CAMKK1: variants seen among roughly 807,000 people sequenced by gnomAD.
CAMKK1 encodes calcium/calmodulin dependent protein kinase kinase 1.
Under a neutral mutation model 63.5 loss-of-function variants are expected in CAMKK1, and 20 were observed. That is an observed-to-expected ratio of 0.32 (90% CI 0.22 to 0.46). The LOEUF (loss-of-function observed/expected upper bound fraction) is 0.46, where lower values mean the gene tolerates loss of function less well. Ranked by LOEUF, CAMKK1 falls within the 20% of genes least tolerant of loss-of-function variation. The pLI is 1.00. For synonymous variants in CAMKK1, 253 were observed against 269.0 expected (o/e 0.94, Z 0.58); for missense variants, 588 against 658.1 (o/e 0.89, Z 1.17).
In CAMKK1 at chr17:3,884,468, A is replaced by C. The variant is rs1354608996; in HGVS notation, c.361-41T>G. ...GAGCACCAGGTGGAGCTGGGTCCGGAGGCAGCACTGCTCCTACCTCAGAGC... is the reference window on the plus strand; with the variant it reads ...GAGCACCAGGTGGAGCTGGGTCCGGCGGCAGCACTGCTCCTACCTCAGAGC... On this transcript the variant is annotated intron_variant, in intron 2 of 15. Transcript: ENST00000348335. The surrounding 1 kb of genome is among the most constrained non-coding windows in gnomAD (Gnocchi z 4.5). 6.3e-7 allele frequency: 1 copy of C among 1,597,920 alleles called. No individual in the cohort carries two copies.
rs752687085 is a variant in CAMKK1 at position 3,883,945 on chromosome 17, T to C, written c.409-8A>G. 22 of 1,613,426 alleles carry C rather than the reference T, an allele frequency of 1.4e-5. No homozygotes were observed. The East Asian group carries it at 4.7e-4, about 34-fold the overall frequency. On this transcript the variant is annotated splice_polypyrimidine_tract_variant and splice_region_variant and intron_variant, in intron 3 of 15. Transcript: ENST00000348335. This position sits in a 1 kb window ranked among gnomAD's most constrained non-coding sequence, Gnocchi z 4.7. Reference sequence around the variant, plus strand: ...CACCACACCGTAGGCACCCTGCAGATAGGCATCAGTCAGCCCCACCTGGAC... The same window carrying C: ...CACCACACCGTAGGCACCCTGCAGACAGGCATCAGTCAGCCCCACCTGGAC...
At chr17:3,863,365 G>T (rs2054391390) in intron 15 of CAMKK1, among the ~76,000 whole-genome samples, 1 of 152,132 alleles carries the variant, frequency 6.6e-6, no homozygotes, top group African/African-American at 2.4e-5. Flanking sequence ...TGTGGTGGTG[G>T]CATGCACCTG....
chr17:3,880,242 C>T, intron 9 of CAMKK1, 104 bp downstream of exon 9: 2 of 967,828 alleles, frequency 2.1e-6, no homozygotes, highest in Non-Finnish European at 3.2e-6. Context: ...ATTGGCAGGT[C>T]AGCTCTGACT....
At position 3,876,232 on chromosome 17, in the gene CAMKK1, G is replaced by A. The variant is rs1419718734; in HGVS notation, c.987C>T (p.Phe329=). ...AGGGCCTGCGAGTCACCTTCCCACT[G>A]AAGCTCTGGCCGGAATCAGAAATGG... ...PEAISDSGQS[F]SGKALDVWAT... Residue 329 remains phenylalanine, a synonymous_variant, in exon 10 of 16, where the codon TTC becomes TTT. Coordinates refer to ENST00000348335, the MANE Select transcript of CAMKK1 (RefSeq NM_032294.3). 1 of 1,613,944 alleles carries A rather than the reference G, an allele frequency of 6.2e-7. No homozygotes were observed. Among genetic ancestry groups the A allele is most frequent in the African/African-American group, 1.3e-5 (1 of 74,944 alleles).
chr17:3,876,181 C>T, intron 10 of CAMKK1, 42 bp downstream of exon 10: 2 of 1,581,442 alleles, frequency 1.3e-6, no homozygotes, highest in Non-Finnish European at 1.7e-6. Context: ...GCTATTACGC[C>T]CCCCACTTGA....
At chr17:3,872,671 C>T (rs746415982) in intron 11 of CAMKK1, 44 bp from the exon 12 acceptor site, 3 of 1,553,150 alleles carry the variant, frequency 1.9e-6, no homozygotes, top group East Asian at 2.2e-5. Context: ...TCCAGGGCCT[C>T]GACCTGTGCC....
At chr17:3,872,749 G>T in intron 11 of CAMKK1, 122 bp from the exon 12 acceptor site, 1 of 726,502 alleles carries the variant, frequency 1.4e-6, no homozygotes. Flanking sequence ...CATTACATGA[G>T]AAGGACCTCA....
rs1364866041 is a variant in CAMKK1, at chr17:3,883,224, C to T, written c.515-49G>A. 1 of 1,602,234 alleles carries T rather than the reference C, an allele frequency of 6.2e-7. No individual in the cohort carries two copies. The highest frequency in any genetic ancestry group is 8.5e-7 in the Non-Finnish European group (1 of 1,177,184). On this transcript the variant is annotated intron_variant, in intron 5 of 15. Transcript: ENST00000348335. The surrounding 1 kb of genome is among the most constrained non-coding windows in gnomAD (Gnocchi z 4.7). Reference sequence around the variant, plus strand: ...ACACCTGTTCCAGGTGGCTGGGCCTCACCGTGGCCCCCAAACCAGTCTCAA... The same window carrying T: ...ACACCTGTTCCAGGTGGCTGGGCCTTACCGTGGCCCCCAAACCAGTCTCAA...
rs1177498426 is a variant in CAMKK1, at chr17:3,883,825, A to G, written c.462+59T>C. 8 of 1,560,416 alleles carry G rather than the reference A, an allele frequency of 5.1e-6. No homozygotes were observed. The Admixed American group carries it at 6.7e-5, about 13-fold the overall frequency. ...ATCTCCTAAGCACAACTCCTGCCCC[A>G]CCCCTCAGGCTTCCAGGGCCTGGCT... is the stretch of plus-strand genomic sequence containing the variant. On this transcript the variant is annotated intron_variant, in intron 4 of 15. Coordinates refer to ENST00000348335, the MANE Select transcript of CAMKK1 (RefSeq NM_032294.3). This position sits in a 1 kb window ranked among gnomAD's most constrained non-coding sequence, Gnocchi z 4.7.
At position 3,881,619 on chromosome 17, in the gene CAMKK1, G is replaced by A. The variant is rs749938799; in HGVS notation, c.707+8C>T. Reference sequence around the variant, plus strand: ...AATTGACCTGCCTGATCAGGACGGGGAACTCACCCCTTTCTCAGGAGGTCA... The same window carrying A: ...AATTGACCTGCCTGATCAGGACGGGAAACTCACCCCTTTCTCAGGAGGTCA... On this transcript the variant is annotated splice_region_variant and intron_variant, in intron 8 of 15. Transcript: ENST00000348335. 13 of 1,569,684 alleles carry A rather than the reference G, an allele frequency of 8.3e-6. No individual in the cohort carries two copies. Among genetic ancestry groups the A allele is most frequent in the Non-Finnish European group, 1.1e-5 (13 of 1,155,354 alleles).
chr17:3,888,034 T>TA (rs1319428829), intron 1 of CAMKK1, among the ~76,000 whole-genome samples: 1 of 152,200 alleles, frequency 6.6e-6, no homozygotes, highest in Non-Finnish European at 1.5e-5. Context: ...TAGTGATCGT[T>TA]ACAGCCCTGT....
intron 14 of CAMKK1, among the ~76,000 whole-genome samples, chr17:3,867,675 G>C (rs994162677): frequency 6.6e-6 from 1 of 152,120 alleles, no homozygotes; most frequent in Non-Finnish European, 1.5e-5. Context: ...TAGGGGGCAG[G>C]GATTGAGCCA....
rs530589219 is a variant in CAMKK1 at position 3,862,247 on chromosome 17, C to T, written c.1482G>A (p.Glu494=). The T allele has an allele frequency of 8.1e-5, 129 of 1,591,256 alleles. 3 individuals are homozygous for T. The South Asian group carries it at 1.4e-3, about 17-fold the overall frequency. Reference sequence around the variant, plus strand: ...CCTCGTCTTCCTGGACGCCGGGGAGCTCTGGGCTCTTGCCCCCTTCACCAA... The same window carrying T: ...CCTCGTCTTCCTGGACGCCGGGGAGTTCTGGGCTCTTGCCCCCTTCACCAA... ...EGFGEGGKSP[E]LPGVQEDEAA... is the part of the protein sequence containing the mutation. Residue 494 remains glutamate (E), a synonymous_variant, in exon 16 of 16, where the codon GAG becomes GAA. Coordinates refer to ENST00000348335, the MANE Select transcript of CAMKK1 (RefSeq NM_032294.3). The surrounding 1 kb of genome is among the most constrained non-coding windows in gnomAD (Gnocchi z 4.1).
Position 3,890,454 on chromosome 17 carries a change from C to T in CAMKK1, c.-44+2485G>A, listed in dbSNP as rs1307523774. On this transcript the variant is annotated intron_variant, in intron 1 of 15. Coordinates refer to ENST00000348335, the MANE Select transcript of CAMKK1 (RefSeq NM_032294.3). This position sits in a 1 kb window ranked among gnomAD's most constrained non-coding sequence, Gnocchi z 6.5. ...CCACACCAGGTCTGTGCCTCCAGCC[C>T]CACTCTTTCCAGCTAGCTGCCACCT... Among the ~76,000 whole-genome samples the T allele has an allele frequency of 6.6e-6, 1 of 152,104 alleles. No individual in the cohort carries two copies. The highest frequency in any genetic ancestry group is 1.5e-5 in the Non-Finnish European group (1 of 68,012).
At position 3,883,235 on chromosome 17, in the gene CAMKK1, C is replaced by G. The variant is rs2055494040; in HGVS notation, c.515-60G>C. 8.1e-6 allele frequency: 13 copies of G among 1,595,542 alleles called. No homozygotes were observed. In the East Asian group the frequency reaches 2.7e-4, roughly 33 times the overall value. On this transcript the variant is annotated intron_variant, in intron 5 of 15. Coordinates refer to ENST00000348335, the MANE Select transcript of CAMKK1 (RefSeq NM_032294.3). The surrounding 1 kb of genome is among the most constrained non-coding windows in gnomAD (Gnocchi z 4.7). ...AGGTGGCTGGGCCTCACCGTGGCCC[C>G]CAAACCAGTCTCAAGCAAGAGTCTT...
At chr17:3,871,866 T>C (rs962183885) in intron 12 of CAMKK1, among the ~76,000 whole-genome samples, 1 of 151,646 alleles carries the variant, frequency 6.6e-6, no homozygotes, top group Non-Finnish European at 1.5e-5. Context: ...GGCTGGTCTC[T>C]AACTCCTAAC....
intron 12 of CAMKK1, among the ~76,000 whole-genome samples, chr17:3,871,253 A>G (rs76651112): frequency 0.013 from 1,990 of 151,726 alleles, 34 homozygotes; most frequent in East Asian, 0.068. Flanking sequence ...CTTGGGGACC[A>G]CACAGGAAAT....
intron 1 of CAMKK1, among the ~76,000 whole-genome samples, chr17:3,888,340 C>T (rs368134476): frequency 1.3e-5 from 2 of 152,082 alleles, no homozygotes; most frequent in Admixed American, 1.3e-4. Context: ...GGGATGGGCC[C>T]GGGGTCACCC....
chr17:3,881,347 T>C (rs573894540), intron 8 of CAMKK1, among the ~76,000 whole-genome samples: 4 of 152,284 alleles, frequency 2.6e-5, no homozygotes, highest in African/African-American at 9.6e-5. Flanking sequence ...TAAAAAACAC[T>C]CCTTTCTTCC....
Sources: allele counts gnomAD v4.1 joint callset (sites outside exome capture counted in the v4.1 genomes callset), GRCh38; gene constraint gnomAD v4.1.1; non-coding constraint Gnocchi (gnomAD v3.1); transcripts MANE v1.5; gene names NCBI Gene and HGNC (gene_info 2026-07-23, HGNC 2026-07-21).